The following TPM3 variants were observed in gnomAD, a reference collection of about 807,000 sequenced individuals.
TPM3 encodes tropomyosin 3, also known as tropomyosin alpha-3 chain.
A neutral mutation model predicts 43.1 loss-of-function variants in TPM3; 16 were observed. That is an observed-to-expected ratio of 0.37 (90% CI 0.25 to 0.56). The LOEUF is 0.56. Ranked by LOEUF, TPM3 falls within the 20% of genes least tolerant of loss-of-function variation. TPM3 has a pLI of 0.77. For missense variants in TPM3, 176 were observed against 337.2 expected (o/e 0.52, Z 3.74); for synonymous variants, 101 against 116.9 (o/e 0.86, Z 0.88).
At chr1:154,182,466 A>T (rs1023681618) in intron 2 of TPM3, among the ~76,000 whole-genome samples, 1 of 152,128 alleles carries the variant, frequency 6.6e-6, no homozygotes, top group African/African-American at 2.4e-5. Context: ...GAGCAGGAGG[A>T]GGGAGCGGAA....
At chr1:154,173,063 G>T (rs1354303468) in intron 4 of TPM3, 21 bp downstream of exon 4, 5 of 1,613,602 alleles carry the variant, frequency 3.1e-6, no homozygotes, top group Non-Finnish European at 4.2e-6. Context: ...ATACGAGAGG[G>T]ACTAACAGAA....
At chr1:154,190,943 T>C (rs989910478) in intron 2 of TPM3, among the ~76,000 whole-genome samples, 3 of 152,174 alleles carry the variant, frequency 2.0e-5, no homozygotes, top group African/African-American at 4.8e-5. Context: ...GGGTTGGTGA[T>C]AGGAGATAAA....
chr1:154,162,935 C>A lies in TPM3; in HGVS notation c.*5002G>T, dbSNP rs1193580687. ...TTTTTTCTCTCCTGCCTCAGCCTCT[C>A]GAGTAGTTGGGACTACAGGCATGTG... On this transcript the variant is annotated 3_prime_UTR_variant, in exon 10 of 10. Transcript: ENST00000651641. Among the ~76,000 whole-genome samples, 1 of 152,092 alleles carries A rather than the reference C, an allele frequency of 6.6e-6. No homozygotes were observed. The highest frequency in any genetic ancestry group is 2.4e-5 in the African/African-American group (1 of 41,396).
chr1:154,182,215 C>T (rs142934155), intron 2 of TPM3, among the ~76,000 whole-genome samples: 98 of 152,332 alleles, frequency 6.4e-4, no homozygotes, highest in African/African-American at 2.2e-3. Context: ...CCTTCCAGGT[C>T]ATTGTGGGTA....
In TPM3 at chr1:154,164,784, G is replaced by A. The variant is rs1314290455; in HGVS notation, c.*3153C>T. 6.6e-6 allele frequency among the ~76,000 whole-genome samples: 1 copy of A among 152,070 alleles called. No individual in the cohort carries two copies. The highest frequency in any genetic ancestry group is 2.4e-5 in the African/African-American group (1 of 41,400). ...TGAAGAAAACAATGTAGGCAGCAATGAATATGGAAAAAGCCATCAAAAATG... is the reference window on the plus strand; with the variant it reads ...TGAAGAAAACAATGTAGGCAGCAATAAATATGGAAAAAGCCATCAAAAATG... On this transcript the variant is annotated 3_prime_UTR_variant, in exon 10 of 10. Coordinates refer to ENST00000651641, the MANE Select transcript of TPM3 (RefSeq NM_152263.4).
intron 2 of TPM3, among the ~76,000 whole-genome samples, chr1:154,185,287 T>C (rs1460290035): frequency 1.3e-5 from 2 of 148,874 alleles, no homozygotes; most frequent in Non-Finnish European, 3.0e-5. Context: ...GCAAGAGAAT[T>C]GCTTAAATCC....
rs375037985 is a variant in TPM3, at chr1:154,168,544, G to A, written c.855-604C>T. Among the ~76,000 whole-genome samples, 5 of 151,974 alleles carry A rather than the reference G, an allele frequency of 3.3e-5. No homozygotes were observed. The East Asian group carries it at 5.8e-4, about 18-fold the overall frequency. ...TTGCCTCCAGAGCTTTTTTTTCTTA[G>A]ACAGTCTTGCTCTTCAACCCAGACT... On this transcript the variant is annotated intron_variant, in intron 9 of 9. Transcript: ENST00000651641.
intron 2 of TPM3, among the ~76,000 whole-genome samples, chr1:154,179,354 G>C (rs1201992672): frequency 6.6e-6 from 1 of 152,116 alleles, no homozygotes; most frequent in African/African-American, 2.4e-5. Flanking sequence ...TCTAGTACTG[G>C]GGAAAGAGAA....
chr1:154,174,407 T>TATATATATATACACACACAC (rs1261318136), intron 3 of TPM3, among the ~76,000 whole-genome samples: 2 of 72,694 alleles, frequency 2.8e-5, no homozygotes, highest in African/African-American at 5.0e-5. Flanking sequence ...TATATATATA[T>TATATATATATACACACACAC]ACACACAAAA....
downstream of TPM3, among the ~76,000 whole-genome samples, chr1:154,159,623 A>C (rs1178489978): frequency 1.1e-5 from 1 of 95,098 alleles, no homozygotes; most frequent in Non-Finnish European, 1.9e-5. Flanking sequence ...CTTTAAAAGA[A>C]CCCCAAACCT....
chr1:154,171,051 A>G, intron 6 of TPM3: 2 of 527,388 alleles, frequency 3.8e-6, no homozygotes, highest in East Asian at 3.4e-5. Flanking sequence ...ACACACCCAC[A>G]TGATGGCAAA....
chr1:154,155,901 C>T (rs990166048), downstream of TPM3: 1 of 203,974 alleles, frequency 4.9e-6, no homozygotes, highest in African/African-American at 2.3e-5. Context: ...CTCCATTTTA[C>T]AGATGATAAA....
chr1:154,175,265 A>G (rs912960126), intron 3 of TPM3, among the ~76,000 whole-genome samples: 6 of 144,712 alleles, frequency 4.1e-5, no homozygotes, highest in Non-Finnish European at 7.4e-5. Flanking sequence ...CGGGAGGCGG[A>G]GCTTGCAGTG....
chr1:154,173,867 T>C (rs1354858847), intron 3 of TPM3, among the ~76,000 whole-genome samples: 5 of 150,992 alleles, frequency 3.3e-5, no homozygotes, highest in Non-Finnish European at 7.4e-5. Flanking sequence ...CAAGCACCTG[T>C]AATCCCATCT....
At chr1:154,190,165 C>T (rs1341995485) in intron 2 of TPM3, among the ~76,000 whole-genome samples, 1 of 152,198 alleles carries the variant, frequency 6.6e-6, no homozygotes, top group Non-Finnish European at 1.5e-5. Flanking sequence ...TGGTCTCAAA[C>T]TCTTGACCTC....
chr1:154,174,313 G>A (rs1254437954), intron 3 of TPM3, among the ~76,000 whole-genome samples: 2 of 142,120 alleles, frequency 1.4e-5, no homozygotes, highest in African/African-American at 5.1e-5. Flanking sequence ...CCAGCCTAGG[G>A]GATAGAGTGA....
At position 154,165,552 on chromosome 1, in the gene TPM3, G is replaced by A. The variant is rs968193457; in HGVS notation, c.*2385C>T. ...GCCTGTAATCCCATCACTTTGGGAG[G>A]CTGAGGTGGGTGGATCACTTGAGGT... On this transcript the variant is annotated 3_prime_UTR_variant, in exon 10 of 10. Transcript: ENST00000651641. 6.6e-5 allele frequency among the ~76,000 whole-genome samples: 10 copies of A among 151,836 alleles called. No homozygotes were observed. The highest frequency in any genetic ancestry group is 1.5e-4 in the Non-Finnish European group (10 of 67,978).
intron 2 of TPM3, chr1:154,183,294 G>T: frequency 1.3e-6 from 2 of 1,498,488 alleles, no homozygotes. Flanking sequence ...CGGGAAGGCA[G>T]TCCACTGGAG....
chr1:154,178,204 T>G (rs888533413), intron 2 of TPM3: 1 of 985,134 alleles, frequency 1.0e-6, no homozygotes, highest in African/African-American at 1.7e-5. Context: ...CAAACTGGAG[T>G]AGAAGATAAC....
Sources: allele counts gnomAD v4.1 joint callset (sites outside exome capture counted in the v4.1 genomes callset), GRCh38; gene constraint gnomAD v4.1.1; transcripts MANE v1.5; gene names NCBI Gene and HGNC (gene_info 2026-07-23, HGNC 2026-07-21).